Variants in IQCH observed in about 807,000 individuals in gnomAD.
The protein encoded by IQCH is IQ motif containing H.
A neutral mutation model predicts 117.0 loss-of-function variants in IQCH; 98 were observed. That is an observed-to-expected ratio of 0.84 (90% CI 0.71 to 0.99). The LOEUF is 0.99. Ranked by LOEUF, IQCH falls within the 50% of genes least tolerant of loss-of-function variation. The pLI, the probability that IQCH is intolerant of heterozygous loss-of-function variation, is 0.00. For synonymous variants in IQCH, 412 were observed against 448.2 expected, an observed-to-expected ratio of 0.92 and a Z score of 1.02; for missense variants, 1,102 against 1,243.8, an observed-to-expected ratio of 0.89 and a Z score of 1.72.
At chr15:67,290,371 T>C (rs1315855710) in intron 4 of IQCH, among the ~76,000 whole-genome samples, 2 of 152,124 alleles carry the variant, frequency 1.3e-5, no homozygotes, top group Non-Finnish European at 2.9e-5. Flanking sequence ...AATGTAATCT[T>C]TTAAAAGGTG....
intron 4 of IQCH, among the ~76,000 whole-genome samples, chr15:67,312,555 G>A (rs989875438): frequency 1.3e-5 from 2 of 152,076 alleles, no homozygotes; most frequent in African/African-American, 2.4e-5. Flanking sequence ...ATGGAAAAGT[G>A]GATACGTCTA....
rs2082137381 is a variant in IQCH at position 67,436,399 on chromosome 15, A to T, written c.2505+14822A>T. Among the ~76,000 whole-genome samples the T allele has an allele frequency of 6.6e-6, 1 of 152,206 alleles. No individual in the cohort carries two copies. Among genetic ancestry groups the T allele is most frequent in the Non-Finnish European group, 1.5e-5 (1 of 68,032 alleles). On this transcript the variant is annotated intron_variant, in intron 16 of 20. Transcript: ENST00000335894. The surrounding 1 kb of genome is among the most constrained non-coding windows in gnomAD (Gnocchi z 5.1). Reference sequence around the variant, plus strand: ...AGGGAAATACAGGGGTAGAGGAAGAAGCAGAAAGGCCCTAGGAGCTCACTG... The same window carrying T: ...AGGGAAATACAGGGGTAGAGGAAGATGCAGAAAGGCCCTAGGAGCTCACTG...
intron 4 of IQCH, among the ~76,000 whole-genome samples, chr15:67,279,985 C>T (rs1459629878): frequency 6.6e-6 from 1 of 151,640 alleles, no homozygotes. Flanking sequence ...CACTGCACTC[C>T]AGCCAGGGCG....
intron 3 of IQCH, 123 bp downstream of exon 3, chr15:67,263,339 TA>T: frequency 1.6e-6 from 1 of 611,902 alleles, no homozygotes; most frequent in Non-Finnish European, 2.9e-6. Context: ...TCCTTTCTAT[TA>T]ATTCTAGTAG....
rs921020542 is a variant in IQCH at position 67,359,647 on chromosome 15, G to A, written c.715-200G>A. 1.3e-5 allele frequency among the ~76,000 whole-genome samples: 2 copies of A among 152,228 alleles called. No individual in the cohort carries two copies. The highest frequency in any genetic ancestry group is 1.5e-5 in the Non-Finnish European group (1 of 67,998). The stretch of plus-strand genomic sequence containing the variant: ...ATCAAACTCTTTCTTCAAAGCAAAC[G>A]GGGCTTGGCAAACAGAGCATCGTTG... On this transcript the variant is annotated intron_variant, in intron 7 of 20. Coordinates refer to ENST00000335894, the MANE Select transcript of IQCH (RefSeq NM_001031715.3). This position sits in a 1 kb window ranked among gnomAD's most constrained non-coding sequence, Gnocchi z 4.5.
rs1958512101 is a variant in IQCH, at chr15:67,472,906, G to A, written c.2677-2790G>A. On this transcript the variant is annotated intron_variant, in intron 17 of 20. Transcript: ENST00000335894. This position sits in a 1 kb window ranked among gnomAD's most constrained non-coding sequence, Gnocchi z 4.3. ...GGAAGGGGAGTTGCACTCTGCATCT[G>A]TAGTGAAGAAGAAACCTCAGGGTAG... 6.6e-6 allele frequency among the ~76,000 whole-genome samples: 1 copy of A among 152,172 alleles called. No individual in the cohort carries two copies. Among genetic ancestry groups the A allele is most frequent in the Non-Finnish European group, 1.5e-5 (1 of 68,026 alleles).
chr15:67,373,305 G>C, intron 9 of IQCH, 62 bp from the exon 10 acceptor site: 1 of 1,093,362 alleles, frequency 9.1e-7, no homozygotes, highest in Non-Finnish European at 1.4e-6. Flanking sequence ...AACAGCTGAA[G>C]TTTGACTAGA....
chr15:67,350,704 G>T (rs1969620682), intron 6 of IQCH, among the ~76,000 whole-genome samples: 2 of 152,158 alleles, frequency 1.3e-5, no homozygotes, highest in South Asian at 4.1e-4. Context: ...GGGATTACAG[G>T]TGTGAGCCAC....
intron 14 of IQCH, among the ~76,000 whole-genome samples, 186 bp downstream of exon 14, chr15:67,400,491 C>CTTTTCTTT (rs776111763): frequency 0.011 from 1,292 of 115,558 alleles, 115 homozygotes; most frequent in African/African-American, 0.037. Flanking sequence ...TCTTTTTTTT[C>CTTTTCTTT]TTTTTTTTTT....
rs2083145748 is a variant in IQCH at position 67,474,201 on chromosome 15, G to A, written c.2677-1495G>A. On this transcript the variant is annotated intron_variant, in intron 17 of 20. Coordinates refer to ENST00000335894, the MANE Select transcript of IQCH (RefSeq NM_001031715.3). This position sits in a 1 kb window ranked among gnomAD's most constrained non-coding sequence, Gnocchi z 4.1. Reference sequence around the variant, plus strand: ...CCTTGCGTTATCTCAGAGACAGGAGGCGAGCCAGAGGCCTGATTATAATGC... The same window carrying A: ...CCTTGCGTTATCTCAGAGACAGGAGACGAGCCAGAGGCCTGATTATAATGC... 6.6e-6 allele frequency among the ~76,000 whole-genome samples: 1 copy of A among 152,006 alleles called. No individual in the cohort carries two copies. Among genetic ancestry groups the A allele is most frequent in the Non-Finnish European group, 1.5e-5 (1 of 68,010 alleles).
chr15:67,341,958 A>G (rs1969194430), intron 5 of IQCH, among the ~76,000 whole-genome samples: 1 of 152,142 alleles, frequency 6.6e-6, no homozygotes, highest in African/African-American at 2.4e-5. Flanking sequence ...TATAAAATGG[A>G]CAATTAAAAA....
intron 6 of IQCH, among the ~76,000 whole-genome samples, chr15:67,345,062 T>C (rs1969327834): frequency 6.6e-6 from 1 of 152,228 alleles, no homozygotes; most frequent in Non-Finnish European, 1.5e-5. Context: ...CAATCTTGGC[T>C]CACTGCAACC....
intron 4 of IQCH, among the ~76,000 whole-genome samples, chr15:67,328,133 T>C (rs868731246): frequency 1.2e-4 from 17 of 142,926 alleles, no homozygotes; most frequent in African/African-American, 4.3e-4. Flanking sequence ...TGGAGTTTTG[T>C]GGGGGTTTTT....
rs746443020 is a variant in IQCH, at chr15:67,359,902, A to C, written c.753+17A>C. On this transcript the variant is annotated intron_variant, in intron 8 of 20. Coordinates refer to ENST00000335894, the MANE Select transcript of IQCH (RefSeq NM_001031715.3). The surrounding 1 kb of genome is among the most constrained non-coding windows in gnomAD (Gnocchi z 4.5). The stretch of plus-strand genomic sequence containing the variant: ...GATAGGAAGGTCTGTAATTTGTGTG[A>C]CTAGTTGAAATTTAGGGTCTGTCAC... 31 of 1,580,446 alleles carry C rather than the reference A, an allele frequency of 2.0e-5. No homozygotes were observed. In the South Asian group the frequency reaches 3.2e-4, roughly 16 times the overall value.
chr15:67,396,927 A>T (rs758577630), intron 13 of IQCH, among the ~76,000 whole-genome samples: 1 of 152,212 alleles, frequency 6.6e-6, no homozygotes, highest in Non-Finnish European at 1.5e-5. Context: ...CTTATGAAGG[A>T]GGTTTCTCTT....
chr15:67,367,354 A>G (rs922113803), intron 8 of IQCH, among the ~76,000 whole-genome samples: 3 of 152,044 alleles, frequency 2.0e-5, no homozygotes, highest in Non-Finnish European at 2.9e-5. Context: ...TGGGCAAGAT[A>G]GTGAGACCCT....
In IQCH at chr15:67,358,207, C is replaced by T. The variant is rs7496891; in HGVS notation, c.714+786C>T. Among the ~76,000 whole-genome samples the T allele has an allele frequency of 9.7e-3, 101 of 10,430 alleles. 1 individual carries two copies. Among genetic ancestry groups the T allele is most frequent in the East Asian group, 0.01 (4 of 388 alleles). 6.8% of individuals were successfully genotyped at this position (10,430 alleles called of 152,430 possible). A position where few individuals can be genotyped will look rare whatever the true frequency, so the allele number is the denominator to read the frequency against. On this transcript the variant is annotated intron_variant, in intron 7 of 20. Transcript: ENST00000335894. ...TAACCATCATGAGGCACTTTCTTTT[C>T]TTTTTTTTTTTTTTTGAGATGGAGT...
intron 4 of IQCH, among the ~76,000 whole-genome samples, chr15:67,328,522 C>G (rs2140629262): frequency 6.6e-6 from 1 of 152,074 alleles, no homozygotes; most frequent in Non-Finnish European, 1.5e-5. Context: ...AAGAAGAGAT[C>G]AGAAGTGATT....
chr15:67,487,808 C>A (rs1040111567), intron 18 of IQCH, among the ~76,000 whole-genome samples: 1 of 152,074 alleles, frequency 6.6e-6, no homozygotes, highest in Non-Finnish European at 1.5e-5. Context: ...TTTCTTTTAC[C>A]AAAGCCCCAA....
Sources: allele counts gnomAD v4.1 joint callset (sites outside exome capture counted in the v4.1 genomes callset), GRCh38; gene constraint gnomAD v4.1.1; non-coding constraint Gnocchi (gnomAD v3.1); transcripts MANE v1.5; gene names NCBI Gene and HGNC (gene_info 2026-07-23, HGNC 2026-07-21).